PLIN2: variants seen among roughly 807,000 people sequenced by gnomAD.
The protein encoded by PLIN2 is perilipin 2.
In PLIN2, 33 loss-of-function variants were observed where a neutral mutation model predicts 30.6. The ratio of observed to expected loss-of-function variants is 1.08; its 90% CI spans 0.82 to 1.44. The LOEUF (loss-of-function observed/expected upper bound fraction) is 1.44, where lower values mean the gene tolerates loss of function less well. Ranked by LOEUF, PLIN2 falls within the 40% of genes most tolerant of loss-of-function variation. The pLI, the probability that PLIN2 is intolerant of heterozygous loss-of-function variation, is 0.00. For missense variants in PLIN2, 610 were observed against 531.8 expected, an observed-to-expected ratio of 1.15 and a Z score of -1.45; for synonymous variants, 205 against 201.1, an observed-to-expected ratio of 1.02 and a Z score of -0.16.
downstream of PLIN2, among the ~76,000 whole-genome samples, chr9:19,111,419 C>G (rs1818158239): frequency 6.6e-6 from 1 of 152,112 alleles, no homozygotes; most frequent in African/African-American, 2.4e-5. Flanking sequence ...GTATAGGCTG[C>G]CTGCCTCTCA....
chr9:19,112,356 A>G (rs966084483), downstream of PLIN2, among the ~76,000 whole-genome samples: 3 of 152,122 alleles, frequency 2.0e-5, no homozygotes, highest in Admixed American at 1.3e-4. Flanking sequence ...TTTCTGGAGG[A>G]AAAAAAGTCT....
chr9:19,120,003 A>T (rs966391565), intron 5 of PLIN2, among the ~76,000 whole-genome samples, 172 bp from the exon 6 acceptor site: 1 of 151,416 alleles, frequency 6.6e-6, no homozygotes, highest in Non-Finnish European at 1.5e-5. Context: ...TACCCTGAAC[A>T]TATTACTGTA....
At chr9:19,115,232 A>G (rs898286425), downstream of PLIN2, among the ~76,000 whole-genome samples, 1 of 152,092 alleles carries the variant, frequency 6.6e-6, no homozygotes, top group Non-Finnish European at 1.5e-5. Context: ...TATGCACATT[A>G]GCTTTTAATT....
Position 19,116,252 on chromosome 9 carries a change from T to G in PLIN2, c.1310A>C (p.His437Pro), listed in dbSNP as rs749370614. 3.2e-6 allele frequency: 5 copies of G among 1,579,014 alleles called. No homozygotes were observed. The Admixed American group carries it at 7.1e-5, about 22-fold the overall frequency. Residue 437 changes from histidine (H) to proline (P), a missense_variant, in exon 8 of 8, where the codon CAT becomes CCT. His to Pro is a moderately conservative substitution (Grantham distance 77). Coordinates refer to ENST00000276914, the MANE Select transcript of PLIN2 (RefSeq NM_001122.4). Reference protein sequence around the residue: ...QETQRSEHKTH With the variant: ...QETQRSEHKTP ...GCACTAGTGATAGGGGCAGGTTTAA[T>G]GAGTTTTATGCTCAGATCGCTGGGT...
rs72549186 is a variant in PLIN2 at position 19,118,300 on chromosome 9, T to C, written c.912+21A>G. ...AAGAACTTCTTCAGCAACCAACAAA[T>C]GACCGTCCCAGTCATCTTACCTCAG... On this transcript the variant is annotated intron_variant, in intron 7 of 7. Coordinates refer to ENST00000276914, the MANE Select transcript of PLIN2 (RefSeq NM_001122.4). 1.2e-4 allele frequency: 185 copies of C among 1,579,444 alleles called. 1 individual carries two copies. The African/African-American group carries it at 2.3e-3, about 20-fold the overall frequency.
rs1287774035 is a variant in PLIN2, at chr9:19,118,372, C to T, written c.861G>A (p.Glu287=). ...AQDKLYLSWV[E]WKRSIGYDDT... is the part of the protein sequence containing the mutation. ...CATCATATCCAATGCTCCTTTTCCA[C>T]TCTACCCATGAGAGGTAGAGCTTAT... The change falls in exon 7 of 8, where the codon GAG becomes GAA. Residue 287 remains glutamate (E), a synonymous_variant. Coordinates refer to ENST00000276914, the MANE Select transcript of PLIN2 (RefSeq NM_001122.4). 1 of 1,613,674 alleles carries T rather than the reference C, an allele frequency of 6.2e-7. No individual in the cohort carries two copies. Among genetic ancestry groups the T allele is most frequent in the Non-Finnish European group, 8.5e-7 (1 of 1,179,736 alleles).
intron 3 of PLIN2, 95 bp from the exon 4 acceptor site, chr9:19,123,742 T>A (rs187682714): frequency 3.4e-4 from 366 of 1,082,188 alleles, no homozygotes; most frequent in Admixed American, 8.7e-4. Context: ...AATAATGGGC[T>A]GGGCACGGTG....
chr9:19,110,604 T>C (rs148086106), intron 2 of PLIN2, among the ~76,000 whole-genome samples: 123 of 152,128 alleles, frequency 8.1e-4, no homozygotes, highest in African/African-American at 2.9e-3. Flanking sequence ...GCCACCCAAG[T>C]ACCTGGTATT....
In PLIN2 at chr9:19,119,660, G is replaced by T; in HGVS notation, c.767C>A (p.Thr256Asn). The T allele has an allele frequency of 6.3e-7, 1 of 1,590,696 alleles. No homozygotes were observed. The highest frequency in any genetic ancestry group is 8.6e-7 in the Non-Finnish European group (1 of 1,166,180). ...SQQTISQLHS[T>N]VHLIEFARKN... is the part of the protein sequence containing the mutation. ...TAAAGTTTTACTCACCAGGTGAACA[G>T]TAGAATGGAGCTGAGAAATGGTCTG... Residue 256 changes from threonine (T) to asparagine (N), a missense_variant, in exon 6 of 8, where the codon ACT becomes AAT. Thr to Asn is a moderately conservative substitution (Grantham distance 65, BLOSUM62 0). Coordinates refer to ENST00000276914, the MANE Select transcript of PLIN2 (RefSeq NM_001122.4).
chr9:19,116,468 T>G lies in PLIN2; in HGVS notation c.1094A>C (p.Glu365Ala). Residue 365 changes from glutamate to alanine, a missense_variant, in exon 8 of 8, where the codon GAA (glutamate) becomes GCA (alanine). Physicochemically the swap from Glu to Ala is moderately radical, Grantham distance 107 (BLOSUM62 -1). Coordinates refer to ENST00000276914, the MANE Select transcript of PLIN2 (RefSeq NM_001122.4). ...SVFRNAASFK[E>A]VSDSLLTSSK... The stretch of plus-strand genomic sequence containing the variant: ...AGAAGTGAGGAGGCTGTCAGACACT[T>G]CTTTAAAGGAGGCAGCATTGCGGAA... The G allele has an allele frequency of 6.2e-7, 1 of 1,614,162 alleles. No homozygotes were observed. Among genetic ancestry groups the G allele is most frequent in the Non-Finnish European group, 8.5e-7 (1 of 1,180,028 alleles).
rs1173669055 is a variant in PLIN2 at position 19,126,320 on chromosome 9, A to C, written c.31-11T>G. The C allele has an allele frequency of 6.2e-7, 1 of 1,613,708 alleles. No homozygotes were observed. Among genetic ancestry groups the C allele is most frequent in the East Asian group, 2.2e-5 (1 of 44,864 alleles). On this transcript the variant is annotated splice_polypyrimidine_tract_variant and intron_variant, in intron 2 of 7. Transcript: ENST00000276914. ...CCGAGTCACCACACTCTGCAATCAA[A>C]GTAGGGAGGGTATGCTTATTAATCT...
intron 5 of PLIN2, among the ~76,000 whole-genome samples, chr9:19,120,288 C>T (rs952026730): frequency 2.6e-5 from 4 of 151,942 alleles, no homozygotes; most frequent in South Asian, 4.2e-4. Context: ...TGAACTCAAG[C>T]GATCTGCCTG....
chr9:19,125,875 A>C, intron 3 of PLIN2: 2 of 392,890 alleles, frequency 5.1e-6, no homozygotes, highest in South Asian at 8.1e-5. Flanking sequence ...GTGAGCCAAG[A>C]CTGCGCCACT....
chr9:19,115,612 T>A (rs554562320), downstream of PLIN2, among the ~76,000 whole-genome samples: 1 of 152,192 alleles, frequency 6.6e-6, no homozygotes, highest in South Asian at 2.1e-4. Context: ...CGGCCAAGCA[T>A]CCCATTTTTA....
chr9:19,123,528 G>C (rs867059513), intron 4 of PLIN2, 37 bp downstream of exon 4: 2 of 1,614,044 alleles, frequency 1.2e-6, no homozygotes, highest in South Asian at 1.1e-5. Context: ...GAAAACATGT[G>C]AAGTGTCAAG....
chr9:19,119,604 G>T, intron 6 of PLIN2, 46 bp downstream of exon 6: 1 of 1,157,698 alleles, frequency 8.6e-7, no homozygotes, highest in Non-Finnish European at 1.2e-6. Flanking sequence ...TGGGCCTAGA[G>T]ATAAATGAAC....
chr9:19,122,016 G>A (rs1393429181), intron 4 of PLIN2, among the ~76,000 whole-genome samples: 3 of 148,594 alleles, frequency 2.0e-5, no homozygotes, highest in African/African-American at 7.5e-5. Flanking sequence ...GGCTGAAGCA[G>A]GACAATTGCT....
In PLIN2 at chr9:19,109,939, G is replaced by C. The variant is rs145357664; in HGVS notation, n.418-1192C>G. 5.6e-4 allele frequency among the ~76,000 whole-genome samples: 85 copies of C among 150,534 alleles called. 1 individual carries two copies. In the East Asian group the frequency reaches 0.013, roughly 23 times the overall value. ...CCACTGCACTCTAGCCTGGGTAACA[G>C]AGCAAGACACTGTTTACAGGAAAAA... On this transcript the variant is annotated intron_variant and non_coding_transcript_variant, in intron 2 of 2. Coordinates refer to the PLIN2 transcript ENST00000464326.
At position 19,122,482 on chromosome 9, in the gene PLIN2, T is replaced by C. The variant is rs183424538; in HGVS notation, c.309+1083A>G. ...TGTAGCCTAGAAGCAAGCAACAGGC[T>C]ATATACCATATAGCCTAGGTATATA... On this transcript the variant is annotated intron_variant, in intron 4 of 7. Coordinates refer to ENST00000276914, the MANE Select transcript of PLIN2 (RefSeq NM_001122.4). Among the ~76,000 whole-genome samples, 3 of 151,166 alleles carry C rather than the reference T, an allele frequency of 2.0e-5. No individual in the cohort carries two copies. In the East Asian group the frequency reaches 5.9e-4, roughly 30 times the overall value.
Sources: allele counts gnomAD v4.1 joint callset (sites outside exome capture counted in the v4.1 genomes callset), GRCh38; gene constraint gnomAD v4.1.1; transcripts MANE v1.5; gene names NCBI Gene and HGNC (gene_info 2026-07-23, HGNC 2026-07-21).